ERBB4: variants seen among roughly 807,000 people sequenced by gnomAD.
The protein encoded by ERBB4 is receptor tyrosine-protein kinase erbB-4.
Under a neutral mutation model 158.0 loss-of-function variants are expected in ERBB4, and 42 were observed. The observed-to-expected ratio is 0.27, with a 90% confidence interval of 0.21 to 0.34. The LOEUF (loss-of-function observed/expected upper bound fraction) is 0.34. Ranked by LOEUF, ERBB4 falls within the 10% of genes least tolerant of loss-of-function variation. ERBB4 has a pLI of 1.00. For synonymous variants in ERBB4, 583 were observed against 558.7 expected (o/e 1.04, Z -0.61); for missense variants, 1,333 against 1,624.1 (o/e 0.82, Z 3.08).
At chr2:211,393,198 A>T (rs1574400898) in intron 25 of ERBB4, among the ~76,000 whole-genome samples, 2 of 152,216 alleles carry the variant, frequency 1.3e-5, no homozygotes, top group East Asian at 3.8e-4. Flanking sequence ...AGATGAATAC[A>T]TGATAACTCT....
At chr2:211,713,245 C>G (rs1444577618) in intron 8 of ERBB4, among the ~76,000 whole-genome samples, 2 of 151,996 alleles carry the variant, frequency 1.3e-5, no homozygotes, top group African/African-American at 2.4e-5. Context: ...TTTTACAAAG[C>G]TTTTAAGATT....
At chr2:212,349,080 G>A (rs1483903926) in intron 1 of ERBB4, among the ~76,000 whole-genome samples, 15 of 152,072 alleles carry the variant, frequency 9.9e-5, no homozygotes, top group Admixed American at 9.8e-4. Flanking sequence ...TGTCTCAAAA[G>A]TGGTGACACG....
At chr2:212,233,852 G>A (rs190782566) in intron 1 of ERBB4, among the ~76,000 whole-genome samples, 3 of 151,920 alleles carry the variant, frequency 2.0e-5, no homozygotes, top group Admixed American at 1.3e-4. Context: ...TTATTTGGGA[G>A]TTTGCTTCTT....
chr2:211,966,876 G>C (rs529113771), intron 2 of ERBB4, among the ~76,000 whole-genome samples: 17 of 152,176 alleles, frequency 1.1e-4, no homozygotes, highest in Non-Finnish European at 2.1e-4. Flanking sequence ...TACTACCCAA[G>C]TTGTGTATAA....
chr2:211,898,968 C>T (rs2079166175), intron 3 of ERBB4, among the ~76,000 whole-genome samples: 1 of 152,086 alleles, frequency 6.6e-6, no homozygotes, highest in Non-Finnish European at 1.5e-5. Flanking sequence ...TTTCCTTCTC[C>T]TATGTTGCAC....
At chr2:212,409,250 C>T (rs1361528255) in intron 1 of ERBB4, among the ~76,000 whole-genome samples, 1 of 152,086 alleles carries the variant, frequency 6.6e-6, no homozygotes, top group Non-Finnish European at 1.5e-5. Flanking sequence ...CCTTCTCTAC[C>T]TACTTGTCCA....
intron 2 of ERBB4, among the ~76,000 whole-genome samples, chr2:212,015,671 C>G (rs2076512166): frequency 6.6e-6 from 1 of 152,132 alleles, no homozygotes; most frequent in Non-Finnish European, 1.5e-5. Context: ...TAATTTGGAG[C>G]TCCCTGAATA....
chr2:212,081,866 A>T (rs1178469920), intron 2 of ERBB4, among the ~76,000 whole-genome samples: 5 of 152,150 alleles, frequency 3.3e-5, no homozygotes, highest in Non-Finnish European at 7.4e-5. Flanking sequence ...TTTTACAGGC[A>T]GCAAACATCA....
chr2:211,682,085 C>CACACAT (rs71054128), intron 12 of ERBB4, among the ~76,000 whole-genome samples: 11,895 of 149,754 alleles, frequency 0.079, 520 homozygotes, highest in Admixed American at 0.13. Flanking sequence ...CACACACACA[C>CACACAT]ACACACAATT....
At chr2:212,452,081 G>A (rs1036494182) in intron 1 of ERBB4, among the ~76,000 whole-genome samples, 3 of 150,440 alleles carry the variant, frequency 2.0e-5, no homozygotes, top group Admixed American at 6.6e-5. Context: ...GAAAATAAAT[G>A]GATGGGTGGG....
chr2:211,960,339 C>A (rs1416078790), intron 2 of ERBB4, among the ~76,000 whole-genome samples: 1 of 152,012 alleles, frequency 6.6e-6, no homozygotes, highest in East Asian at 1.9e-4. Context: ...AAAATAATTA[C>A]AACTGATTAT....
At chr2:212,536,580 G>A (rs1693078551) in intron 1 of ERBB4, among the ~76,000 whole-genome samples, 2 of 152,196 alleles carry the variant, frequency 1.3e-5, no homozygotes, top group Non-Finnish European at 2.9e-5. Context: ...AATTCGCCCA[G>A]GGAAACGAGA....
At chr2:211,584,396 A>G (rs1395142148) in intron 19 of ERBB4, among the ~76,000 whole-genome samples, 1 of 152,076 alleles carries the variant, frequency 6.6e-6, no homozygotes, top group African/African-American at 2.4e-5. Flanking sequence ...CAGAATAACA[A>G]TATGTTTAAC....
At chr2:211,922,238 A>C (rs1159720315) in intron 3 of ERBB4, among the ~76,000 whole-genome samples, 1 of 152,136 alleles carries the variant, frequency 6.6e-6, no homozygotes, top group Non-Finnish European at 1.5e-5. Flanking sequence ...TGGAGAACTG[A>C]AAAGTGACTA....
intron 4 of ERBB4, among the ~76,000 whole-genome samples, chr2:211,752,236 A>T (rs541418295): frequency 6.6e-6 from 1 of 152,276 alleles, no homozygotes; most frequent in East Asian, 1.9e-4. Flanking sequence ...AGCGGAAATT[A>T]GAAAGGACTG....
At chr2:212,007,268 C>A (rs1049405593) in intron 2 of ERBB4, among the ~76,000 whole-genome samples, 5 of 151,690 alleles carry the variant, frequency 3.3e-5, no homozygotes, top group Non-Finnish European at 7.4e-5. Flanking sequence ...GAAAAAAAGT[C>A]TTTTAAAATT....
At chr2:212,171,091 G>A (rs751194238) in intron 1 of ERBB4, among the ~76,000 whole-genome samples, 1 of 152,210 alleles carries the variant, frequency 6.6e-6, no homozygotes, top group Admixed American at 6.5e-5. Flanking sequence ...AAAGCCACAG[G>A]AGAGGAGCTG....
chr2:212,538,275 A>C (rs1225227682), intron 1 of ERBB4, among the ~76,000 whole-genome samples, 174 bp downstream of exon 1: 1 of 152,172 alleles, frequency 6.6e-6, no homozygotes, highest in African/African-American at 2.4e-5. Context: ...GCAAACGCAC[A>C]CATACAGGGT....
intron 25 of ERBB4, among the ~76,000 whole-genome samples, chr2:211,399,760 C>T (rs2062994757): frequency 6.6e-6 from 1 of 152,118 alleles, no homozygotes; most frequent in African/African-American, 2.4e-5. Context: ...CCTAAGACAC[C>T]TAGGTATTTC....
Sources: gnomAD v4.1 joint callset for allele counts (sites outside exome capture counted in the v4.1 genomes callset) on GRCh38, gnomAD v4.1.1 for gene constraint, MANE v1.5 for transcripts, NCBI Gene and HGNC (gene_info 2026-07-23, HGNC 2026-07-21) for gene names.